The following CSMD2 variants were observed in gnomAD, a reference collection of about 807,000 sequenced individuals.
CSMD2 encodes the protein CUB and sushi domain-containing protein 2.
A neutral mutation model predicts 398.5 loss-of-function variants in CSMD2; 130 were observed. The observed-to-expected ratio is 0.33, with a 90% confidence interval of 0.28 to 0.38. The LOEUF is 0.38. CSMD2 is among the 10% of genes least tolerant of loss of function. The pLI is 1.00. For missense variants in CSMD2, 3,829 were observed against 4,764.9 expected (o/e 0.80, Z 5.78); for synonymous variants, 1,828 against 1,908.5 (o/e 0.96, Z 1.10).
intron 1 of CSMD2, among the ~76,000 whole-genome samples, chr1:34,138,858 C>T (rs750545995): frequency 1.8e-4 from 27 of 152,144 alleles, no homozygotes; most frequent in Non-Finnish European, 7.3e-5. Context: ...TCATATATAA[C>T]CTTGCATGAA....
intron 29 of CSMD2, among the ~76,000 whole-genome samples, chr1:33,638,822 C>T (rs956754427): frequency 1.3e-5 from 2 of 152,190 alleles, no homozygotes; most frequent in Non-Finnish European, 2.9e-5. Context: ...CTCCCCAATG[C>T]CCCCAACACC....
intron 5 of CSMD2, among the ~76,000 whole-genome samples, chr1:33,880,855 C>T (rs2125172702): frequency 6.6e-6 from 1 of 152,322 alleles, no homozygotes; most frequent in Middle Eastern, 3.4e-3. Context: ...GCATTTTCAG[C>T]ATCTCTGGGC....
chr1:33,912,499 C>CT lies in CSMD2; in HGVS notation c.920+5594dup, dbSNP rs536717531. Reference sequence around the variant, plus strand: ...ATTCTGAGTGCAGGTCAGACTCTGTCTGCCTTCCCTGTTGTAGGAAGAATT... The same window carrying CT: ...ATTCTGAGTGCAGGTCAGACTCTGTCTTGCCTTCCCTGTTGTAGGAAGAATT... On this transcript the variant is annotated intron_variant, in intron 5 of 70. Coordinates refer to ENST00000373381, the MANE Select transcript of CSMD2 (RefSeq NM_001281956.2). Among the ~76,000 whole-genome samples, 13 of 152,002 alleles carry CT rather than the reference C, an allele frequency of 8.6e-5. No homozygotes were observed. In the South Asian group the frequency reaches 2.7e-3, roughly 32 times the overall value.
At position 33,537,373 on chromosome 1, in the gene CSMD2, G is replaced by T; in HGVS notation, c.9805+63C>A. ...ACAGGGAAGGAAAGTAATCATCTCA[G>T]GCCCAAAAGAAGGTCTCCCGCAACC... is the stretch of plus-strand genomic sequence containing the variant. On this transcript the variant is annotated intron_variant, in intron 61 of 70. Transcript: ENST00000373381. The surrounding 1 kb of genome is among the most constrained non-coding windows in gnomAD (Gnocchi z 4.6). 6.6e-7 allele frequency: 1 copy of T among 1,518,984 alleles called. No homozygotes were observed. The allele number at this position is 1,518,984 out of a possible 1,614,324, so 94.1% of individuals were successfully genotyped here. A position where few individuals can be genotyped will look rare whatever the true frequency, so the allele number is the denominator to read the frequency against.
intron 56 of CSMD2, 24 bp from the exon 57 acceptor site, chr1:33,546,243 C>T (rs756521164): frequency 6.3e-7 from 1 of 1,592,526 alleles, no homozygotes; most frequent in Non-Finnish European, 8.6e-7. Flanking sequence ...CCACACAAAT[C>T]CCATTATTTT....
At position 34,164,805 on chromosome 1, in the gene CSMD2, G is replaced by T; in HGVS notation, c.187+106C>A. 1.0e-6 allele frequency: 1 copy of T among 996,576 alleles called. No homozygotes were observed. Among genetic ancestry groups the T allele is most frequent in the Non-Finnish European group, 1.3e-6 (1 of 786,104 alleles). 61.7% of individuals were successfully genotyped at this position (996,576 alleles called of 1,614,324 possible). A position where few individuals can be genotyped will look rare whatever the true frequency, so the allele number is the denominator to read the frequency against. On this transcript the variant is annotated intron_variant, in intron 1 of 70. Transcript: ENST00000373381. This position sits in a 1 kb window ranked among gnomAD's most constrained non-coding sequence, Gnocchi z 6.2. ...ACTGGGAGGGTGGGAGATTCAGGCA[G>T]GGATAGAGGCGGGGGGAGGGACTGG... is the stretch of plus-strand genomic sequence containing the variant.
At chr1:34,145,426 CT>C (rs2148537377) in intron 1 of CSMD2, among the ~76,000 whole-genome samples, 1 of 152,308 alleles carries the variant, frequency 6.6e-6, no homozygotes, top group African/African-American at 2.4e-5. Context: ...CTCTTGCTGC[CT>C]GGAGGGGTGG....
chr1:33,920,230 G>A (rs1257684894), intron 4 of CSMD2, among the ~76,000 whole-genome samples: 1 of 152,054 alleles, frequency 6.6e-6, no homozygotes, highest in African/African-American at 2.4e-5. Flanking sequence ...CCGTTGAAGA[G>A]CATCAAGAGA....
chr1:33,611,842 A>T (rs898675322), intron 40 of CSMD2, among the ~76,000 whole-genome samples: 7 of 152,214 alleles, frequency 4.6e-5, no homozygotes, highest in African/African-American at 1.7e-4. Flanking sequence ...ACATAGTAAT[A>T]TACTCTTTCA....
chr1:34,141,791 T>C (rs1367270143), intron 1 of CSMD2, among the ~76,000 whole-genome samples: 3 of 152,002 alleles, frequency 2.0e-5, no homozygotes, highest in Admixed American at 6.6e-5. Context: ...AAAATGGAAA[T>C]AGGCGAGAAT....
At chr1:34,085,929 G>A (rs1486977446) in intron 2 of CSMD2, among the ~76,000 whole-genome samples, 1 of 151,708 alleles carries the variant, frequency 6.6e-6, no homozygotes, top group Non-Finnish European at 1.5e-5. Context: ...GTGTGTATGG[G>A]GTTGTGTTTC....
At chr1:33,797,348 G>T (rs576937664) in intron 10 of CSMD2, among the ~76,000 whole-genome samples, 2 of 152,266 alleles carry the variant, frequency 1.3e-5, no homozygotes, top group African/African-American at 4.8e-5. Flanking sequence ...TTATTTCTCA[G>T]CCAGCTGACA....
intron 2 of CSMD2, among the ~76,000 whole-genome samples, chr1:34,051,469 A>AT (rs1653163999): frequency 6.6e-6 from 1 of 152,212 alleles, no homozygotes; most frequent in African/African-American, 2.4e-5. Context: ...GTGTATATAA[A>AT]TATACGTAAA....
chr1:33,907,000 A>C (rs1643128597), intron 5 of CSMD2, among the ~76,000 whole-genome samples: 1 of 152,136 alleles, frequency 6.6e-6, no homozygotes, highest in Non-Finnish European at 1.5e-5. Flanking sequence ...TGACAGTGTA[A>C]AGTAATGCAG....
chr1:33,636,241 A>G lies in CSMD2; in HGVS notation c.4969+119T>C. 1 of 969,144 alleles carries G rather than the reference A, an allele frequency of 1.0e-6. No individual in the cohort carries two copies. The highest frequency in any genetic ancestry group is 1.5e-6 in the Non-Finnish European group (1 of 661,796). The allele number at this position is 969,144 out of a possible 1,614,324, so 60.0% of individuals were successfully genotyped here. ...CATCCACGGCAAACCCAGGTTTGCC[A>G]GGCTTGGAGGAGCCGGGCTTGAGGA... On this transcript the variant is annotated intron_variant, in intron 30 of 70. Transcript: ENST00000373381. This position sits in a 1 kb window ranked among gnomAD's most constrained non-coding sequence, Gnocchi z 4.8.
chr1:33,855,036 C>T (rs1043719342), intron 5 of CSMD2, among the ~76,000 whole-genome samples: 4 of 152,164 alleles, frequency 2.6e-5, no homozygotes, highest in Non-Finnish European at 5.9e-5. Context: ...ATCTTCCCAT[C>T]GTGCTGAAGT....
chr1:34,020,345 C>T (rs543720458), intron 3 of CSMD2, among the ~76,000 whole-genome samples: 1 of 152,264 alleles, frequency 6.6e-6, no homozygotes, highest in South Asian at 2.1e-4. Context: ...GTTTACTCTG[C>T]AAATATAGCT....
chr1:33,683,181 T>G (rs1644962207), intron 25 of CSMD2, among the ~76,000 whole-genome samples: 1 of 152,126 alleles, frequency 6.6e-6, no homozygotes, highest in Non-Finnish European at 1.5e-5. Context: ...TCGCATTCCT[T>G]TCTTACCTTA....
chr1:33,793,273 G>A lies in CSMD2; in HGVS notation c.1447-747C>T, dbSNP rs181804037. ...TGCTACTGGAGATGGGGGTGTCTGA[G>A]GAAATTCTGAAGGCTACTGATGACC... On this transcript the variant is annotated intron_variant, in intron 10 of 70. Transcript: ENST00000373381. 3.7e-3 allele frequency among the ~76,000 whole-genome samples: 563 copies of A among 152,296 alleles called. 1 individual carries two copies. The highest frequency in any genetic ancestry group is 0.013 in the African/African-American group (538 of 41,554).
Sources: gnomAD v4.1 joint callset for allele counts (sites outside exome capture counted in the v4.1 genomes callset) on GRCh38, gnomAD v4.1.1 for gene constraint, Gnocchi (gnomAD v3.1) non-coding constraint, MANE v1.5 for transcripts, NCBI Gene and HGNC (gene_info 2026-07-23, HGNC 2026-07-21) for gene names.